Variants in TYR observed in about 807,000 individuals in gnomAD.
TYR encodes the protein LB24-AB.
TYR carries 58 observed loss-of-function variants against 51.5 expected under a neutral mutation model. The observed-to-expected ratio is 1.13, with a 90% CI of 0.91 to 1.40. TYR has a LOEUF of 1.40. TYR is among the 40% of genes most tolerant of loss of function. The probability of loss-of-function intolerance (pLI) is 0.00; values close to 1 mark genes in which losing one functional copy is unlikely to be tolerated. For missense variants in TYR, 732 were observed against 647.4 expected, an observed-to-expected ratio of 1.13 and a Z score of -1.42; for synonymous variants, 263 against 235.2, an observed-to-expected ratio of 1.12 and a Z score of -1.08.
At chr11:89,214,580 T>G (rs1943808159) in intron 2 of TYR, among the ~76,000 whole-genome samples, 4 of 152,134 alleles carry the variant, frequency 2.6e-5, no homozygotes, top group African/African-American at 9.7e-5. Context: ...CACATGCACG[T>G]GTATGTTTAT....
intron 3 of TYR, among the ~76,000 whole-genome samples, chr11:89,244,196 G>A (rs10501698): frequency 0.24 from 36,034 of 151,952 alleles, 4,579 homozygotes; most frequent in Non-Finnish European, 0.29. Flanking sequence ...TACTCTTAAA[G>A]TTGCTTAAAC....
chr11:89,186,971 T>C (rs747845416), intron 1 of TYR, among the ~76,000 whole-genome samples: 1 of 152,154 alleles, frequency 6.6e-6, no homozygotes, highest in African/African-American at 2.4e-5. Flanking sequence ...CCTCAGCAGA[T>C]ACCTTGATCT....
intron 3 of TYR, among the ~76,000 whole-genome samples, chr11:89,238,636 G>T (rs79916592): frequency 6.6e-6 from 1 of 152,074 alleles, no homozygotes; most frequent in African/African-American, 2.4e-5. Context: ...GATTAGTCAT[G>T]GTGAGAGTGG....
Position 89,197,871 on chromosome 11 carries a change from T to C in TYR, c.1036+6453T>C, listed in dbSNP as rs538632172. Among the ~76,000 whole-genome samples the C allele has an allele frequency of 2.6e-4, 39 of 150,698 alleles. 1 individual carries two copies. The South Asian group carries it at 3.8e-3, about 15-fold the overall frequency. On this transcript the variant is annotated intron_variant, in intron 2 of 4. Coordinates refer to ENST00000263321, the MANE Select transcript of TYR (RefSeq NM_000372.5). ...TTTAAAAATGTAATTTCTCTTCATATAACAGCACTTATAAAGCTGATATTA... is the reference window on the plus strand; with the variant it reads ...TTTAAAAATGTAATTTCTCTTCATACAACAGCACTTATAAAGCTGATATTA...
intron 1 of TYR, among the ~76,000 whole-genome samples, chr11:89,180,909 G>A (rs1256907762): frequency 6.6e-6 from 1 of 152,042 alleles, no homozygotes; most frequent in Non-Finnish European, 1.5e-5. Context: ...TTAATTCAGA[G>A]TTCTCAATGT....
At chr11:89,201,891 T>C (rs1478328586) in intron 2 of TYR, among the ~76,000 whole-genome samples, 2 of 152,178 alleles carry the variant, frequency 1.3e-5, no homozygotes, top group African/African-American at 4.8e-5. Context: ...TAATTTCAAA[T>C]ACAATTCTGC....
At chr11:89,216,375 T>A (rs552945436) in intron 2 of TYR, among the ~76,000 whole-genome samples, 1 of 152,206 alleles carries the variant, frequency 6.6e-6, no homozygotes, top group Admixed American at 6.5e-5. Flanking sequence ...CACCTTCTAT[T>A]AAATGAGGCC....
At chr11:89,265,259 G>A (rs1944511854) in intron 3 of TYR, among the ~76,000 whole-genome samples, 1 of 151,998 alleles carries the variant, frequency 6.6e-6, no homozygotes, top group African/African-American at 2.4e-5. Context: ...GTGGGTAGGG[G>A]AAAGCCTTCA....
intron 3 of TYR, among the ~76,000 whole-genome samples, chr11:89,279,277 T>C (rs1302935913): frequency 1.3e-5 from 2 of 151,686 alleles, no homozygotes; most frequent in Non-Finnish European, 3.0e-5. Context: ...ATTACTATCA[T>C]CTTCTCCCAC....
intron 2 of TYR, among the ~76,000 whole-genome samples, chr11:89,194,837 A>G (rs546444643): frequency 6.6e-6 from 1 of 152,276 alleles, no homozygotes; most frequent in African/African-American, 2.4e-5. Flanking sequence ...TTTCATATAC[A>G]CATTTTTTAA....
At position 89,210,182 on chromosome 11, in the gene TYR, G is replaced by A. The variant is rs143403754; in HGVS notation, c.1037-17641G>A. Among the ~76,000 whole-genome samples, 619 of 152,126 alleles carry A rather than the reference G, an allele frequency of 4.1e-3. 10 individuals carry two copies. The highest frequency in any genetic ancestry group is 0.013 in the East Asian group (67 of 5,152). On this transcript the variant is annotated intron_variant, in intron 2 of 4. Transcript: ENST00000263321. ...ATAACAAACATCTCCGAGCTAAAAG[G>A]GGATGTTTAAACCCATCGCAAGAAA...
chr11:89,225,901 C>A (rs906880599), intron 2 of TYR, among the ~76,000 whole-genome samples: 1 of 151,868 alleles, frequency 6.6e-6, no homozygotes, highest in Non-Finnish European at 1.5e-5. Context: ...GATTGATATT[C>A]CAATTACTCT....
At chr11:89,282,931 T>G (rs1944736562) in intron 3 of TYR, among the ~76,000 whole-genome samples, 1 of 151,808 alleles carries the variant, frequency 6.6e-6, no homozygotes, top group South Asian at 2.1e-4. Context: ...ATAGCTTTTA[T>G]GTACCACTTA....
At chr11:89,228,885 A>G (rs1014261893) in intron 3 of TYR, among the ~76,000 whole-genome samples, 2 of 152,172 alleles carry the variant, frequency 1.3e-5, no homozygotes, top group Non-Finnish European at 2.9e-5. Context: ...TCAAGAAGAA[A>G]GGAGAAAATA....
chr11:89,189,070 A>G (rs1034604374), intron 1 of TYR, among the ~76,000 whole-genome samples: 8 of 152,096 alleles, frequency 5.3e-5, no homozygotes, highest in Admixed American at 3.3e-4. Context: ...ATTTTAACCT[A>G]GAACCTACTT....
At chr11:89,220,274 A>G (rs1349714192) in intron 2 of TYR, among the ~76,000 whole-genome samples, 1 of 152,198 alleles carries the variant, frequency 6.6e-6, no homozygotes, top group African/African-American at 2.4e-5. Flanking sequence ...CGCACATTAT[A>G]TCGCCAGAGC....
chr11:89,186,251 C>T (rs1023886911), intron 1 of TYR, among the ~76,000 whole-genome samples: 2 of 152,106 alleles, frequency 1.3e-5, no homozygotes, highest in South Asian at 2.1e-4. Context: ...GCAGTGCCAT[C>T]GCACAATGCT....
At position 89,178,040 on chromosome 11, in the gene TYR, C is replaced by A. The variant is rs748836772; in HGVS notation, c.87C>A (p.Asn29Lys). 6.8e-6 allele frequency: 11 copies of A among 1,614,188 alleles called. No individual in the cohort carries two copies. In the South Asian group the frequency reaches 7.7e-5, roughly 11 times the overall value. ...CTAGAGCCTGTGTCTCCTCTAAGAA[C>A]CTGATGGAGAAGGAATGCTGTCCAC... is the stretch of plus-strand genomic sequence containing the variant. ...HFPRACVSSK[N>K]LMEKECCPPW... The change falls in exon 1 of 5, where the codon AAC becomes AAA. Residue 29 changes from asparagine (N) to lysine (K), a missense_variant. Physicochemically the swap from Asn to Lys is moderately conservative, Grantham distance 94 (BLOSUM62 0). Coordinates refer to ENST00000263321, the MANE Select transcript of TYR (RefSeq NM_000372.5).
At chr11:89,237,116 A>G (rs1485040045) in intron 3 of TYR, among the ~76,000 whole-genome samples, 2 of 152,096 alleles carry the variant, frequency 1.3e-5, no homozygotes, top group African/African-American at 4.8e-5. Context: ...CATTCTTTCT[A>G]TGTCCCTTAT....
Sources: allele counts gnomAD v4.1 joint callset (sites outside exome capture counted in the v4.1 genomes callset), GRCh38; gene constraint gnomAD v4.1.1; transcripts MANE v1.5; gene names NCBI Gene and HGNC (gene_info 2026-07-23, HGNC 2026-07-21).